Variants in ANKS1B observed in about 807,000 individuals in gnomAD.
The protein encoded by ANKS1B is ankyrin repeat and sterile alpha motif domain-containing protein 1B.
ANKS1B carries 36 observed loss-of-function variants against 148.3 expected under a neutral mutation model. That is an observed-to-expected ratio of 0.24 (90% CI 0.19 to 0.32). The LOEUF (loss-of-function observed/expected upper bound fraction) is 0.32. Among genes scored for constraint, ANKS1B ranks in the 10% least tolerant of loss-of-function variants. The pLI, the probability that ANKS1B is intolerant of heterozygous loss-of-function variation, is 1.00. For missense variants in ANKS1B, 1,157 were observed against 1,542.6 expected, an observed-to-expected ratio of 0.75 and a Z score of 4.19; for synonymous variants, 542 against 560.8, an observed-to-expected ratio of 0.97 and a Z score of 0.47.
intron 19 of ANKS1B, among the ~76,000 whole-genome samples, chr12:98,822,489 A>C (rs2099205280): frequency 6.6e-6 from 1 of 152,236 alleles, no homozygotes; most frequent in Admixed American, 6.5e-5. Flanking sequence ...CAAGCTGCTC[A>C]ATGTCAACAA....
chr12:99,054,235 C>T (rs1273667909), intron 16 of ANKS1B, among the ~76,000 whole-genome samples: 1 of 152,070 alleles, frequency 6.6e-6, no homozygotes. Context: ...TGGGGGCCTT[C>T]GGTAAAATTC....
At chr12:99,642,849 T>C (rs2098324016) in intron 9 of ANKS1B, among the ~76,000 whole-genome samples, 1 of 152,164 alleles carries the variant, frequency 6.6e-6, no homozygotes, top group East Asian at 1.9e-4. Context: ...TCCCTGCCTT[T>C]TTCAACTTCA....
chr12:99,028,797 G>C (rs1322589413), intron 17 of ANKS1B, among the ~76,000 whole-genome samples: 1 of 152,142 alleles, frequency 6.6e-6, no homozygotes, highest in African/African-American at 2.4e-5. Flanking sequence ...TGACGAACTG[G>C]CTCCTTTTTC....
At chr12:99,938,529 A>T (rs1445878290) in intron 1 of ANKS1B, among the ~76,000 whole-genome samples, 1 of 152,194 alleles carries the variant, frequency 6.6e-6, no homozygotes, top group Non-Finnish European at 1.5e-5. Context: ...ACAACAATAG[A>T]TGACTAACAC....
At chr12:99,344,209 A>ATG in intron 12 of ANKS1B, among the ~76,000 whole-genome samples, 1 of 151,906 alleles carries the variant, frequency 6.6e-6, no homozygotes, top group Non-Finnish European at 1.5e-5. Context: ...GTGTATATGC[A>ATG]TGTGTGTGTG....
intron 1 of ANKS1B, among the ~76,000 whole-genome samples, chr12:99,979,821 C>T (rs2095672077): frequency 1.3e-5 from 2 of 151,966 alleles, no homozygotes; most frequent in African/African-American, 2.4e-5. Context: ...ATTGTCATTG[C>T]GTGGCTTCAA....
At chr12:99,579,399 C>A (rs2097548984) in intron 9 of ANKS1B, among the ~76,000 whole-genome samples, 1 of 152,066 alleles carries the variant, frequency 6.6e-6, no homozygotes, top group African/African-American at 2.4e-5. Context: ...CACTATTCAA[C>A]AGAGTACACA....
At chr12:99,486,312 T>A (rs2096487649) in intron 10 of ANKS1B, among the ~76,000 whole-genome samples, 1 of 152,084 alleles carries the variant, frequency 6.6e-6, no homozygotes, top group African/African-American at 2.4e-5. Context: ...TAAGATTTCC[T>A]TGGTTATAGT....
intron 2 of ANKS1B, among the ~76,000 whole-genome samples, chr12:99,814,333 C>A (rs2068824696): frequency 6.6e-6 from 1 of 151,452 alleles, no homozygotes. Context: ...TAAATAAGAT[C>A]ATAAAAAAGA....
At chr12:99,665,950 A>T (rs1005840520) in intron 8 of ANKS1B, among the ~76,000 whole-genome samples, 1 of 152,110 alleles carries the variant, frequency 6.6e-6, no homozygotes, top group Non-Finnish European at 1.5e-5. Context: ...TTGCTTTTAC[A>T]TTTTGATCTT....
At chr12:98,864,774 A>T (rs2099616149) in intron 17 of ANKS1B, among the ~76,000 whole-genome samples, 1 of 152,158 alleles carries the variant, frequency 6.6e-6, no homozygotes, top group Non-Finnish European at 1.5e-5. Context: ...CTGATGAAGG[A>T]AAGATAATTG....
In ANKS1B at chr12:99,659,784, G is replaced by GA. The variant is rs1407825343; in HGVS notation, c.1129-4575dup. Among the ~76,000 whole-genome samples, 7 of 152,134 alleles carry GA rather than the reference G, an allele frequency of 4.6e-5. No homozygotes were observed. In the East Asian group the frequency reaches 1.2e-3, roughly 25 times the overall value. On this transcript the variant is annotated intron_variant, in intron 8 of 26. Coordinates refer to ENST00000683438, the MANE Select transcript of ANKS1B (RefSeq NM_001352186.2). ...TAAGAATTATCCCTATTTTACAAGT[G>GA]AAAAAAACTGATGCTCAAAATGTTA...
At chr12:98,979,243 A>C (rs2099904701) in intron 17 of ANKS1B, among the ~76,000 whole-genome samples, 1 of 151,260 alleles carries the variant, frequency 6.6e-6, no homozygotes, top group African/African-American at 2.4e-5. Flanking sequence ...CTGAGTTTTT[A>C]TGTGGTATCA....
At chr12:99,474,817 T>C (rs1481535636) in intron 10 of ANKS1B, among the ~76,000 whole-genome samples, 1 of 152,108 alleles carries the variant, frequency 6.6e-6, no homozygotes, top group Non-Finnish European at 1.5e-5. Context: ...TTGTTCAACA[T>C]TGTCTTGAAG....
chr12:99,347,051 T>A (rs1034891408), intron 12 of ANKS1B, among the ~76,000 whole-genome samples: 5 of 152,160 alleles, frequency 3.3e-5, no homozygotes, highest in Middle Eastern at 3.4e-3. Flanking sequence ...GAACAGATTT[T>A]GTTCTGAAAA....
chr12:99,478,840 C>T (rs2096366768), intron 10 of ANKS1B, among the ~76,000 whole-genome samples: 1 of 152,028 alleles, frequency 6.6e-6, no homozygotes, highest in South Asian at 2.1e-4. Flanking sequence ...GACCGAATTA[C>T]CCTTTTATTT....
rs2063578358 is a variant in ANKS1B at position 99,775,621 on chromosome 12, C to G, written c.888G>C (p.Glu296Asp). ...CTTGTGTTGCATCTTCCTGTACAGG[C>G]TCTTCGAGGACTGTAGATCTTCCCA... ...EGVGRSTVLE[E>D]PVQEDATQET... The change falls in exon 7 of 27, where the codon GAG (glutamate) becomes GAC (aspartate). Residue 296 changes from glutamate to aspartate, a missense_variant. Coordinates refer to ENST00000683438, the MANE Select transcript of ANKS1B (RefSeq NM_001352186.2). 4 of 1,612,308 alleles carry G rather than the reference C, an allele frequency of 2.5e-6. No homozygotes were observed. Among genetic ancestry groups the G allele is most frequent in the East Asian group, 2.2e-5 (1 of 44,846 alleles).
chr12:99,291,086 CTA>C (rs1336352962), intron 12 of ANKS1B, among the ~76,000 whole-genome samples: 1 of 152,090 alleles, frequency 6.6e-6, no homozygotes, highest in Non-Finnish European at 1.5e-5. Context: ...AATAGCATTT[CTA>C]TATGCCAACA....
chr12:99,672,373 A>G (rs1270496792), intron 8 of ANKS1B, among the ~76,000 whole-genome samples: 1 of 152,146 alleles, frequency 6.6e-6, no homozygotes, highest in Non-Finnish European at 1.5e-5. Flanking sequence ...ATGGATTTCC[A>G]TATCTGAAAA....
Sources: allele counts gnomAD v4.1 joint callset (sites outside exome capture counted in the v4.1 genomes callset), GRCh38; gene constraint gnomAD v4.1.1; transcripts MANE v1.5; gene names NCBI Gene and HGNC (gene_info 2026-07-23, HGNC 2026-07-21).